Variants in MYO7B observed in about 807,000 individuals in gnomAD.
MYO7B encodes unconventional myosin-VIIb.
MYO7B carries 212 observed loss-of-function variants against 259.7 expected under a neutral mutation model. That is an observed-to-expected ratio of 0.82 (90% CI 0.73 to 0.91). The LOEUF (loss-of-function observed/expected upper bound fraction) is 0.91. Among genes scored for constraint, MYO7B ranks in the 40% least tolerant of loss-of-function variants. The pLI, the probability that MYO7B is intolerant of heterozygous loss-of-function variation, is 0.00. For synonymous variants in MYO7B, 1,197 were observed against 1,166.4 expected (o/e 1.03, Z -0.54); for missense variants, 2,732 against 2,813.5 (o/e 0.97, Z 0.66).
chr2:127,626,998 C>A lies in MYO7B; in HGVS notation c.4239C>A (p.Val1413=). 1.2e-6 allele frequency: 2 copies of A among 1,611,686 alleles called. No homozygotes were observed. The highest frequency in any genetic ancestry group is 2.2e-5 in the South Asian group (2 of 90,724). ...CAKAPYTQKQ[V]TPLAVREQVV... ...AGGCCCCATACACTCAGAAGCAAGT[C>A]ACACCACTGGCCGTGCGAGAGCAGG... Residue 1413 remains valine, a synonymous_variant, in exon 32 of 48, where the codon GTC becomes GTA. Coordinates refer to ENST00000409816, the MANE Select transcript of MYO7B (RefSeq NM_001393586.1).
At position 127,635,772 on chromosome 2, in the gene MYO7B, C is replaced by T; in HGVS notation, c.5871C>T (p.Ala1957=). ...TCCACAAGTGTTCGCGGGAGGATGC[C>T]ATCCACCTGGCGGGCCTCATCTACA... ...RGFHKCSRED[A]IHLAGLIYKA... Residue 1957 remains alanine (A), a synonymous_variant, in exon 44 of 48, where the codon GCC becomes GCT. Coordinates refer to ENST00000409816, the MANE Select transcript of MYO7B (RefSeq NM_001393586.1). 1.9e-6 allele frequency: 3 copies of T among 1,601,306 alleles called. No individual in the cohort carries two copies. The highest frequency in any genetic ancestry group is 1.3e-5 in the African/African-American group (1 of 74,718).
At chr2:127,570,052 G>C in intron 6 of MYO7B, 142 bp downstream of exon 6, 1 of 1,099,776 alleles carries the variant, frequency 9.1e-7, no homozygotes, top group Non-Finnish European at 1.2e-6. Context: ...ACAAGGGTGG[G>C]GTGCATGGTA....
chr2:127,630,711 A>G (rs10187353), intron 35 of MYO7B, 67 bp from the exon 36 acceptor site: 2 of 1,592,644 alleles, frequency 1.3e-6, no homozygotes, highest in South Asian at 2.3e-5. Context: ...CCAGGCCGGG[A>G]GGAGCCTGCA....
Position 127,621,874 on chromosome 2 carries a change from T to G in MYO7B, c.3526-108T>G. The G allele has an allele frequency of 2.7e-6, 4 of 1,498,858 alleles. No homozygotes were observed. In the South Asian group the frequency reaches 3.7e-5, roughly 14 times the overall value. The allele number at this position is 1,498,858 out of a possible 1,614,324, so 92.8% of individuals were successfully genotyped here. The stretch of plus-strand genomic sequence containing the variant: ...TAACGGGTGTGAGGGTGCCCCTCAA[T>G]GCACATTATACACTGAGTATTATAA... On this transcript the variant is annotated intron_variant, in intron 27 of 47. Coordinates refer to ENST00000409816, the MANE Select transcript of MYO7B (RefSeq NM_001393586.1).
At chr2:127,547,333 C>T (rs1250448443) in intron 1 of MYO7B, among the ~76,000 whole-genome samples, 2 of 152,182 alleles carry the variant, frequency 1.3e-5, no homozygotes, top group Non-Finnish European at 2.9e-5. Context: ...GGTTGAAAAT[C>T]GCAGCCTCTG....
chr2:127,590,612 G>A lies in MYO7B; in HGVS notation c.1992+383G>A, dbSNP rs372689094. On this transcript the variant is annotated intron_variant, in intron 16 of 47. Coordinates refer to ENST00000409816, the MANE Select transcript of MYO7B (RefSeq NM_001393586.1). The surrounding 1 kb of genome is among the most constrained non-coding windows in gnomAD (Gnocchi z 4.6). The stretch of plus-strand genomic sequence containing the variant: ...CATATGTAAACCACACTCAACAAAG[G>A]CAGAAATCAGTAATAGGACTTTAGA... Among the ~76,000 whole-genome samples, 72 of 152,332 alleles carry A rather than the reference G, an allele frequency of 4.7e-4. No homozygotes were observed. Among genetic ancestry groups the A allele is most frequent in the African/African-American group, 1.7e-3 (72 of 41,574 alleles).
rs1349444500 is a variant in MYO7B at position 127,628,505 on chromosome 2, G to A, written c.4594G>A (p.Ala1532Thr). The change falls in exon 34 of 48, where the codon GCC becomes ACC. Residue 1532 changes from alanine (A) to threonine (T), a missense_variant. Around this residue, in one of 3 missense-constraint regions of MYO7B, gnomAD observed 1,906 missense variants for 2,026.4 expected, o/e 0.94. Transcript: ENST00000409816. This position sits in a 1 kb window ranked among gnomAD's most constrained non-coding sequence, Gnocchi z 4.8. ...LEGLKERSIF[A>T]MALQDRKATD... The stretch of plus-strand genomic sequence containing the variant: ...GGGCCTGAAGGAGAGGTCCATTTTC[G>A]CCATGGCCCTGCAGGACAGGAAGGC... 56 of 1,462,570 alleles carry A rather than the reference G, an allele frequency of 3.8e-5. No individual in the cohort carries two copies. The highest frequency in any genetic ancestry group is 2.0e-4 in the Middle Eastern group (1 of 4,978). 90.6% of individuals were successfully genotyped at this position (1,462,570 alleles called of 1,614,324 possible).
chr2:127,557,342 G>A (rs888288736), intron 1 of MYO7B, among the ~76,000 whole-genome samples: 2 of 151,792 alleles, frequency 1.3e-5, no homozygotes, highest in African/African-American at 4.8e-5. Flanking sequence ...TGGACTTTAC[G>A]TTTCTCTGGT....
chr2:127,610,645 T>C (rs775214763), intron 24 of MYO7B, among the ~76,000 whole-genome samples: 1 of 152,174 alleles, frequency 6.6e-6, no homozygotes, highest in Non-Finnish European at 1.5e-5. Context: ...CCAAGAACAG[T>C]CCAAATGAAT....
In MYO7B at chr2:127,535,827, A is replaced by T. The variant is rs528572212; in HGVS notation, c.-28A>T. The T allele has an allele frequency of 2.6e-4, 40 of 152,216 alleles. 1 individual carries two copies. The highest frequency in any genetic ancestry group is 9.2e-4 in the African/African-American group (38 of 41,520). The allele number at this position is 152,216 out of a possible 1,614,324, so 9.4% of individuals were successfully genotyped here. A position where few individuals can be genotyped will look rare whatever the true frequency, so the allele number is the denominator to read the frequency against. On this transcript the variant is annotated 5_prime_UTR_variant, in exon 1 of 48. Transcript: ENST00000409816. This position sits in a 1 kb window ranked among gnomAD's most constrained non-coding sequence, Gnocchi z 4.8. ...GGGAGTCAGCCAGACCCCCATCCTG[A>T]CAAGGTAAGGGCGTGCCGGGGGCGT... is the stretch of plus-strand genomic sequence containing the variant.
rs1050782986 is a variant in MYO7B, at chr2:127,632,463, G to C, written c.5405+62G>C. ...GGGCCCGCAGACCTGGGATGCTGTG[G>C]GGCCTGGCCAGCCTTCCAGGAGCTC... On this transcript the variant is annotated intron_variant, in intron 39 of 47. Coordinates refer to ENST00000409816, the MANE Select transcript of MYO7B (RefSeq NM_001393586.1). The C allele has an allele frequency of 7.4e-6, 11 of 1,485,498 alleles. No individual in the cohort carries two copies. The African/African-American group carries it at 1.6e-4, about 21-fold the overall frequency. 92.0% of individuals were successfully genotyped at this position (1,485,498 alleles called of 1,614,324 possible). A position where few individuals can be genotyped will look rare whatever the true frequency, so the allele number is the denominator to read the frequency against.
intron 35 of MYO7B, 74 bp downstream of exon 35, chr2:127,629,900 G>T (rs1457024723): frequency 1.4e-6 from 2 of 1,421,708 alleles, no homozygotes; most frequent in Non-Finnish European, 1.8e-6. Context: ...ATGCCTAGTT[G>T]GGAGGCCTAG....
At chr2:127,567,319 CA>C (rs142821603) in intron 5 of MYO7B, among the ~76,000 whole-genome samples, 1 of 151,374 alleles carries the variant, frequency 6.6e-6, no homozygotes, top group Non-Finnish European at 1.5e-5. Flanking sequence ...AGGGCCCACT[CA>C]AAAAAAAACA....
rs539828049 is a variant in MYO7B, at chr2:127,570,136, C to T, written c.592+226C>T. Among the ~76,000 whole-genome samples, 33 of 152,032 alleles carry T rather than the reference C, an allele frequency of 2.2e-4. No individual in the cohort carries two copies. The East Asian group carries it at 3.5e-3, about 16-fold the overall frequency. On this transcript the variant is annotated intron_variant, in intron 6 of 47. Coordinates refer to ENST00000409816, the MANE Select transcript of MYO7B (RefSeq NM_001393586.1). The stretch of plus-strand genomic sequence containing the variant: ...AAACTTCCACCAGGTGTGTTTTCCA[C>T]GGGATTGTAAGGAATATTCTTTTTA...
In MYO7B at chr2:127,590,371, G is replaced by T. The variant is rs147730579; in HGVS notation, c.1992+142G>T. ...CTACCTTACAGATAAGTACACTGGG[G>T]TAAGGTGACCAGACTAGGTCATGTG... On this transcript the variant is annotated intron_variant, in intron 16 of 47. Transcript: ENST00000409816. The surrounding 1 kb of genome is among the most constrained non-coding windows in gnomAD (Gnocchi z 4.6). 5.3e-4 allele frequency: 648 copies of T among 1,224,342 alleles called. 4 individuals carry two copies. The African/African-American group carries it at 9.1e-3, about 17-fold the overall frequency. 75.8% of individuals were successfully genotyped at this position (1,224,342 alleles called of 1,614,324 possible). A position where few individuals can be genotyped will look rare whatever the true frequency, so the allele number is the denominator to read the frequency against.
At position 127,582,456 on chromosome 2, in the gene MYO7B, T is replaced by C; in HGVS notation, c.1343+10T>C. ...ATTTCGAGAACAATAGGTATGAAGA[T>C]CTCAGATCCCAGCCCCACTGCTTCC... On this transcript the variant is annotated intron_variant, in intron 12 of 47. Coordinates refer to ENST00000409816, the MANE Select transcript of MYO7B (RefSeq NM_001393586.1). The C allele has an allele frequency of 6.2e-7, 1 of 1,612,194 alleles. No individual in the cohort carries two copies. The highest frequency in any genetic ancestry group is 2.2e-5 in the East Asian group (1 of 44,838).
intron 21 of MYO7B, 33 bp from the exon 22 acceptor site, chr2:127,608,675 C>T (rs752333340): frequency 6.3e-7 from 1 of 1,592,282 alleles, no homozygotes; most frequent in Admixed American, 1.7e-5. Flanking sequence ...CCCTGCTGGG[C>T]CCCTGGGTAA....
rs371560765 is a variant in MYO7B at position 127,611,300 on chromosome 2, C to T, written c.3193-950C>T. On this transcript the variant is annotated intron_variant, in intron 24 of 47. Transcript: ENST00000409816. The surrounding 1 kb of genome is among the most constrained non-coding windows in gnomAD (Gnocchi z 5.4). ...CCTGTGGCTGTGGGAGGGGCCCACA[C>T]AGGGCAGGAATTTCAGGACGCAGGG... Among the ~76,000 whole-genome samples the T allele has an allele frequency of 6.2e-4, 94 of 152,288 alleles. 5 individuals are homozygous for T. The South Asian group carries it at 0.019, about 31-fold the overall frequency.
Position 127,627,450 on chromosome 2 carries a change from G to A in MYO7B, c.4460+140G>A, listed in dbSNP as rs756617557. On this transcript the variant is annotated intron_variant, in intron 33 of 47. Transcript: ENST00000409816. This position sits in a 1 kb window ranked among gnomAD's most constrained non-coding sequence, Gnocchi z 5.6. ...TGGAGGGACAAGAATCTACGTATGCGATGGCTTCTGTACTTCGGAGCCCCA... is the reference window on the plus strand; with the variant it reads ...TGGAGGGACAAGAATCTACGTATGCAATGGCTTCTGTACTTCGGAGCCCCA... The A allele has an allele frequency of 1.4e-5, 16 of 1,180,066 alleles. No individual in the cohort carries two copies. The highest frequency in any genetic ancestry group is 1.9e-4 in the Middle Eastern group (1 of 5,252). The allele number at this position is 1,180,066 out of a possible 1,614,324, so 73.1% of individuals were successfully genotyped here. A position where few individuals can be genotyped will look rare whatever the true frequency, so the allele number is the denominator to read the frequency against.
Sources: allele counts gnomAD v4.1 joint callset (sites outside exome capture counted in the v4.1 genomes callset), GRCh38; gene constraint gnomAD v4.1.1; regional missense constraint gnomAD v4.1.1; non-coding constraint Gnocchi (gnomAD v3.1); transcripts MANE v1.5; gene names NCBI Gene and HGNC (gene_info 2026-07-23, HGNC 2026-07-21).